SOCS6: variants seen among roughly 807,000 people sequenced by gnomAD.
The protein encoded by SOCS6 is STAT induced STAT inhibitor-4.
Under a neutral mutation model 27.7 loss-of-function variants are expected in SOCS6, and 5 were observed. That is an observed-to-expected ratio of 0.18 (90% confidence interval 0.09 to 0.38). The LOEUF is 0.38. Ranked by LOEUF, SOCS6 falls within the 10% of genes least tolerant of loss-of-function variation. The probability of loss-of-function intolerance (pLI) is 1.00; values close to 1 mark genes in which losing one functional copy is unlikely to be tolerated. For missense variants in SOCS6, 595 were observed against 688.1 expected (o/e 0.86, Z 1.51); for synonymous variants, 271 against 260.0 (o/e 1.04, Z -0.41).
chr18:70,292,538 G>A (rs1600145768), intron 1 of SOCS6, among the ~76,000 whole-genome samples: 1 of 152,052 alleles, frequency 6.6e-6, no homozygotes, highest in East Asian at 1.9e-4. Flanking sequence ...TGGTAGAGAT[G>A]GGGTTTCCTT....
chr18:70,291,625 G>C (rs963357491), intron 1 of SOCS6, among the ~76,000 whole-genome samples: 2 of 152,118 alleles, frequency 1.3e-5, no homozygotes, highest in Non-Finnish European at 2.9e-5. Flanking sequence ...CATTTAGTAT[G>C]CACTTCGACT....
intron 1 of SOCS6, among the ~76,000 whole-genome samples, chr18:70,309,505 C>CT (rs1195131156): frequency 1.3e-5 from 2 of 152,096 alleles, no homozygotes; most frequent in Non-Finnish European, 2.9e-5. Flanking sequence ...TAATTCCTCT[C>CT]TTGACGTTTT....
intron 1 of SOCS6, among the ~76,000 whole-genome samples, chr18:70,295,091 C>T (rs41359549): frequency 0.017 from 2,516 of 152,286 alleles, 71 homozygotes; most frequent in African/African-American, 0.057. Context: ...AATTTTCCAG[C>T]AGATAAATTT....
In SOCS6 at chr18:70,295,839, A is replaced by G. The variant is rs544031268; in HGVS notation, c.-127+6749A>G. On this transcript the variant is annotated intron_variant, in intron 1 of 1. Transcript: ENST00000397942. The stretch of plus-strand genomic sequence containing the variant: ...TCATCTGCCCAGAGTCACACACCAC[A>G]TTAGTAGTCGATTTCAGAGTGGACT... Among the ~76,000 whole-genome samples, 6 of 152,308 alleles carry G rather than the reference A, an allele frequency of 3.9e-5. No individual in the cohort carries two copies. In the East Asian group the frequency reaches 1.2e-3, roughly 29 times the overall value.
intron 1 of SOCS6, among the ~76,000 whole-genome samples, chr18:70,322,253 G>T (rs1911018963): frequency 6.6e-6 from 1 of 152,278 alleles, no homozygotes; most frequent in South Asian, 2.1e-4. Flanking sequence ...TATATTTTTG[G>T]ATGTGCAAAC....
chr18:70,299,516 C>T (rs2062338965), intron 1 of SOCS6, among the ~76,000 whole-genome samples: 1 of 152,156 alleles, frequency 6.6e-6, no homozygotes, highest in Admixed American at 6.5e-5. Flanking sequence ...AGAACTCAAT[C>T]TCTAATCCTT....
In SOCS6 at chr18:70,329,132, A is replaced by G. The variant is rs1009179394; in HGVS notation, c.*2856A>G. 6.0e-6 allele frequency: 1 copy of G among 167,106 alleles called. No individual in the cohort carries two copies. The highest frequency in any genetic ancestry group is 2.4e-5 in the African/African-American group (1 of 41,474). 10.4% of individuals were successfully genotyped at this position (167,106 alleles called of 1,614,324 possible). On this transcript the variant is annotated 3_prime_UTR_variant, in exon 2 of 2. Coordinates refer to ENST00000397942, the MANE Select transcript of SOCS6 (RefSeq NM_004232.4). ...AACACTATTATGCATTTTTATAAAT[A>G]AGAAGAAGGCTGTAGAAAGTACTTG...
chr18:70,329,039 A>T lies in SOCS6; in HGVS notation c.*2763A>T, dbSNP rs111756655. ...CATTTGCCATAATAGATGAATCAGA[A>T]TTGTTTTCTATTAAATATTTCATCA... On this transcript the variant is annotated 3_prime_UTR_variant, in exon 2 of 2. Coordinates refer to ENST00000397942, the MANE Select transcript of SOCS6 (RefSeq NM_004232.4). 7 of 167,104 alleles carry T rather than the reference A, an allele frequency of 4.2e-5. No homozygotes were observed. The Admixed American group carries it at 4.6e-4, about 11-fold the overall frequency. 10.4% of individuals were successfully genotyped at this position (167,104 alleles called of 1,614,324 possible).
At chr18:70,322,438 A>C (rs1434431875) in intron 1 of SOCS6, among the ~76,000 whole-genome samples, 1 of 152,154 alleles carries the variant, frequency 6.6e-6, no homozygotes, top group East Asian at 1.9e-4. Flanking sequence ...TTGGTAGTTG[A>C]AAAAGGAATA....
chr18:70,315,879 G>T lies in SOCS6; in HGVS notation c.-126-8664G>T, dbSNP rs1017814440. On this transcript the variant is annotated intron_variant, in intron 1 of 1. Coordinates refer to ENST00000397942, the MANE Select transcript of SOCS6 (RefSeq NM_004232.4). ...ATGTTTTTTTGTTTTTGTTTTTGTGGTTTTTTTTGAGATGGAGTTTCGCTT... is the reference window on the plus strand; with the variant it reads ...ATGTTTTTTTGTTTTTGTTTTTGTGTTTTTTTTTGAGATGGAGTTTCGCTT... 2.6e-5 allele frequency among the ~76,000 whole-genome samples: 4 copies of T among 151,692 alleles called. No individual in the cohort carries two copies. The East Asian group carries it at 5.8e-4, about 22-fold the overall frequency.
Position 70,326,162 on chromosome 18 carries a change from C to T in SOCS6, c.1494C>T (p.Arg498=), listed in dbSNP as rs1196810947. 1 of 1,614,162 alleles carries T rather than the reference C, an allele frequency of 6.2e-7. No homozygotes were observed. Among genetic ancestry groups the T allele is most frequent in the Non-Finnish European group, 8.5e-7 (1 of 1,180,016 alleles). Residue 498 remains arginine (R), a synonymous_variant, in exon 2 of 2, where the codon CGC becomes CGT. Coordinates refer to ENST00000397942, the MANE Select transcript of SOCS6 (RefSeq NM_004232.4). ...TNPVSRFMQV[R]SLQYLCRFVI... is the part of the protein sequence containing the mutation. ...CAGTGTCCCGGTTCATGCAGGTGCG[C>T]TCGTTGCAGTACCTGTGTCGTTTTG...
chr18:70,289,828 G>T (rs530444062), intron 1 of SOCS6, among the ~76,000 whole-genome samples: 6 of 152,192 alleles, frequency 3.9e-5, no homozygotes, highest in Admixed American at 6.5e-5. Context: ...ACCGACACGG[G>T]CCTGAATTTT....
At chr18:70,294,038 C>T (rs1453675633) in intron 1 of SOCS6, among the ~76,000 whole-genome samples, 3 of 151,274 alleles carry the variant, frequency 2.0e-5, no homozygotes, top group African/African-American at 7.3e-5. Flanking sequence ...TTGTGGTGAG[C>T]CGAGATTGTG....
chr18:70,304,394 G>A (rs978103027), intron 1 of SOCS6, among the ~76,000 whole-genome samples: 7 of 151,778 alleles, frequency 4.6e-5, no homozygotes, highest in Admixed American at 6.6e-5. Flanking sequence ...AAAAAACTTT[G>A]CTTAAAAGCC....
chr18:70,308,595 G>A (rs1243222148), intron 1 of SOCS6, among the ~76,000 whole-genome samples: 2 of 152,148 alleles, frequency 1.3e-5, no homozygotes, highest in Non-Finnish European at 2.9e-5. Context: ...TTAGTTGATA[G>A]TGTTGAAGTA....
chr18:70,320,350 A>G lies in SOCS6; in HGVS notation c.-126-4193A>G, dbSNP rs369648832. ...TTTTACAGGGCAATTTATCATTAAGAAACTATTATTCATTGAGTTTTGATA... is the reference window on the plus strand; with the variant it reads ...TTTTACAGGGCAATTTATCATTAAGGAACTATTATTCATTGAGTTTTGATA... On this transcript the variant is annotated intron_variant, in intron 1 of 1. Coordinates refer to ENST00000397942, the MANE Select transcript of SOCS6 (RefSeq NM_004232.4). Among the ~76,000 whole-genome samples, 39 of 152,330 alleles carry G rather than the reference A, an allele frequency of 2.6e-4. No individual in the cohort carries two copies. The East Asian group carries it at 6.9e-3, about 27-fold the overall frequency.
At chr18:70,299,482 G>A (rs1198216620) in intron 1 of SOCS6, among the ~76,000 whole-genome samples, 3 of 152,242 alleles carry the variant, frequency 2.0e-5, no homozygotes, top group Admixed American at 6.5e-5. Flanking sequence ...CAAGGTCCCC[G>A]AATCTTGTAG....
intron 1 of SOCS6, among the ~76,000 whole-genome samples, chr18:70,303,018 A>G (rs1053372353): frequency 6.6e-6 from 1 of 152,220 alleles, no homozygotes; most frequent in African/African-American, 2.4e-5. Flanking sequence ...AGAACAAACA[A>G]GCTCACAGGT....
intron 1 of SOCS6, among the ~76,000 whole-genome samples, chr18:70,312,867 G>A (rs542657247): frequency 8.3e-5 from 12 of 145,222 alleles, no homozygotes; most frequent in Non-Finnish European, 1.2e-4. Flanking sequence ...TCCGCCTCCC[G>A]GGTTCAAGCA....
Sources: allele counts gnomAD v4.1 joint callset (sites outside exome capture counted in the v4.1 genomes callset), GRCh38; gene constraint gnomAD v4.1.1; transcripts MANE v1.5; gene names NCBI Gene and HGNC (gene_info 2026-07-23, HGNC 2026-07-21).